The following C9 variants were observed in gnomAD, a reference collection of about 807,000 sequenced individuals.
The protein encoded by C9 is complement component C9.
Under a neutral mutation model 65.4 loss-of-function variants are expected in C9, and 63 were observed. That is an observed-to-expected ratio of 0.96 (90% CI 0.79 to 1.19). C9 has a LOEUF of 1.19. C9 is among the 50% of genes most tolerant of loss of function. The pLI, the probability that C9 is intolerant of heterozygous loss-of-function variation, is 0.00. For synonymous variants in C9, 229 were observed against 227.9 expected (o/e 1.00, Z -0.04); for missense variants, 744 against 670.1 (o/e 1.11, Z -1.22).
intron 1 of C9, among the ~76,000 whole-genome samples, chr5:39,360,511 T>C (rs372737514): frequency 1.3e-5 from 2 of 151,906 alleles, no homozygotes; most frequent in East Asian, 3.9e-4. Context: ...CCACATAAAG[T>C]CAAAGGAAGA....
At chr5:39,347,395 C>T (rs1187333542) in intron 1 of C9, among the ~76,000 whole-genome samples, 1 of 152,104 alleles carries the variant, frequency 6.6e-6, no homozygotes, top group Non-Finnish European at 1.5e-5. Flanking sequence ...AACAGAGAGC[C>T]AAATCATGAG....
At position 39,306,659 on chromosome 5, in the gene C9, C is replaced by A. The variant is rs760170174; in HGVS notation, c.1374G>T (p.Trp458Cys). ...CAGGAGCATCATTTATGGAAGAGGC[C>A]CAGTTGACAAAGTCAGTCACATCAA... ...TVIDVTDFVN[W>C]ASSINDAPVL... The change falls in exon 9 of 11, where the codon TGG becomes TGT. Residue 458 changes from tryptophan to cysteine, a missense_variant. Trp to Cys is a radical substitution (Grantham distance 215). Coordinates refer to ENST00000263408, the MANE Select transcript of C9 (RefSeq NM_001737.5). 1.2e-6 allele frequency: 2 copies of A among 1,613,628 alleles called. No homozygotes were observed. Among genetic ancestry groups the A allele is most frequent in the South Asian group, 2.2e-5 (2 of 91,076 alleles).
chr5:39,317,240 G>C (rs1753583254), intron 5 of C9, among the ~76,000 whole-genome samples: 1 of 152,108 alleles, frequency 6.6e-6, no homozygotes, highest in Non-Finnish European at 1.5e-5. Context: ...ATAGACTCTG[G>C]ATATTGGATC....
intron 1 of C9, 62 bp from the exon 2 acceptor site, chr5:39,342,258 T>A (rs1754101289): frequency 1.1e-6 from 1 of 885,702 alleles, no homozygotes; most frequent in African/African-American, 1.6e-5. Context: ...CCAAGAAGTC[T>A]TCATAAACAC....
Position 39,359,100 on chromosome 5 carries a change from G to GTATATATA in C9, c.77+5287_77+5288insTATATATA, listed in dbSNP as rs1270604293. The stretch of plus-strand genomic sequence containing the variant: ...TGTGTATATATATATGTGTGTGTGT[G>GTATATATA]TGTATATATATATATATATATATAT... On this transcript the variant is annotated intron_variant, in intron 1 of 10. Coordinates refer to ENST00000263408, the MANE Select transcript of C9 (RefSeq NM_001737.5). Among the ~76,000 whole-genome samples, 217 of 87,804 alleles carry GTATATATA rather than the reference G, an allele frequency of 2.5e-3. 1 individual carries two copies. Among genetic ancestry groups the GTATATATA allele is most frequent in the African/African-American group, 8.5e-3 (198 of 23,312 alleles). The allele number at this position is 87,804 out of a possible 152,430, so 57.6% of individuals were successfully genotyped here. A position where few individuals can be genotyped will look rare whatever the true frequency, so the allele number is the denominator to read the frequency against.
At chr5:39,328,499 T>C (rs1356042975) in intron 5 of C9, among the ~76,000 whole-genome samples, 1 of 152,168 alleles carries the variant, frequency 6.6e-6, no homozygotes, top group Non-Finnish European at 1.5e-5. Flanking sequence ...GCAGTGTAAG[T>C]TTACAAGTAG....
At chr5:39,285,446 T>C (rs1003456005) in intron 10 of C9, among the ~76,000 whole-genome samples, 8 of 152,038 alleles carry the variant, frequency 5.3e-5, no homozygotes, top group African/African-American at 1.7e-4. Context: ...ATGTGATTAG[T>C]GCTGGAAAAA....
intron 1 of C9, among the ~76,000 whole-genome samples, 156 bp downstream of exon 1, chr5:39,364,232 C>T (rs1364387066): frequency 6.6e-6 from 1 of 152,098 alleles, no homozygotes; most frequent in African/African-American, 2.4e-5. Context: ...AAGATGCACC[C>T]TATGTATTTT....
At chr5:39,317,915 T>C (rs1258227567) in intron 5 of C9, among the ~76,000 whole-genome samples, 2 of 152,126 alleles carry the variant, frequency 1.3e-5, no homozygotes, top group Admixed American at 6.5e-5. Context: ...GGTAATAGCA[T>C]TGAATCTATA....
chr5:39,290,021 A>C (rs890825125), intron 9 of C9, among the ~76,000 whole-genome samples: 5 of 151,934 alleles, frequency 3.3e-5, no homozygotes, highest in Admixed American at 3.3e-4. Context: ...CACAGTTGCT[A>C]CACTGAAATC....
chr5:39,289,670 A>C (rs1370145380), intron 9 of C9, among the ~76,000 whole-genome samples: 3 of 151,882 alleles, frequency 2.0e-5, no homozygotes, highest in African/African-American at 7.2e-5. Flanking sequence ...TCAGGAATCC[A>C]GTCTTGTCAG....
intron 1 of C9, among the ~76,000 whole-genome samples, chr5:39,359,840 G>T (rs571800853): frequency 3.3e-5 from 5 of 152,166 alleles, no homozygotes; most frequent in Non-Finnish European, 7.4e-5. Context: ...GGGACCCTCC[G>T]TAATGTGTTC....
At chr5:39,347,201 G>C (rs979783928) in intron 1 of C9, among the ~76,000 whole-genome samples, 11 of 152,130 alleles carry the variant, frequency 7.2e-5, no homozygotes, top group African/African-American at 2.7e-4. Flanking sequence ...GAAATAAAGG[G>C]TATTCAATTA....
rs777593898 is a variant in C9 at position 39,341,581 on chromosome 5, G to T, written c.303C>A (p.Cys101Ter). 2 of 1,613,844 alleles carry T rather than the reference G, an allele frequency of 1.2e-6. No individual in the cohort carries two copies. The highest frequency in any genetic ancestry group is 2.2e-5 in the East Asian group (1 of 44,874). The change falls in exon 3 of 11, where the codon TGC becomes TGA. Residue 101 changes from cysteine (C) to a stop codon, truncating the protein, a stop_gained. Coordinates refer to ENST00000263408, the MANE Select transcript of C9 (RefSeq NM_001737.5). LOFTEE classifies it high-confidence loss of function. Reference protein sequence around the residue: ...TEPCEDAEDDCGNDFQCSTGR... With the variant: ...TEPCEDAEDD ...CTGTACTGCATTGAAAGTCATTTCC[G>T]CAGTCATCCTCAGCATCCTCACAGG... is the stretch of plus-strand genomic sequence containing the variant.
chr5:39,362,331 A>G (rs111907140), intron 1 of C9, among the ~76,000 whole-genome samples: 6 of 152,230 alleles, frequency 3.9e-5, no homozygotes, highest in African/African-American at 1.2e-4. Flanking sequence ...TTATAAAGAC[A>G]TACACAATGG....
Position 39,308,224 on chromosome 5 carries a change from A to T in C9, c.1240+6T>A. ...TATAAAATCTAACAAGTGAGGCCACACTTACCAGCTCTACCCTCTCCCCTC... is the reference window on the plus strand; with the variant it reads ...TATAAAATCTAACAAGTGAGGCCACTCTTACCAGCTCTACCCTCTCCCCTC... On this transcript the variant is annotated splice_donor_region_variant and intron_variant, in intron 8 of 10. Transcript: ENST00000263408. 6.2e-7 allele frequency: 1 copy of T among 1,612,958 alleles called. No homozygotes were observed. The highest frequency in any genetic ancestry group is 8.5e-7 in the Non-Finnish European group (1 of 1,179,052).
chr5:39,288,917 A>AT lies in C9; in HGVS notation c.1450dup (p.Met484AsnfsTer16). The AT allele has an allele frequency of 6.2e-7, 1 of 1,609,234 alleles. No individual in the cohort carries two copies. Among genetic ancestry groups the AT allele is most frequent in the Non-Finnish European group, 8.5e-7 (1 of 1,176,164 alleles). On this transcript the variant is annotated frameshift_variant, in exon 10 of 11. Coordinates refer to ENST00000263408, the MANE Select transcript of C9 (RefSeq NM_001737.5). LOFTEE classifies it high-confidence loss of function. ...TTGTTTCTTTAGGTGTGCATTTTTC[A>AT]TTTTCACTGGAACCAGATTATATAT...
At chr5:39,339,036 C>A (rs1473569313) in intron 4 of C9, among the ~76,000 whole-genome samples, 2 of 152,138 alleles carry the variant, frequency 1.3e-5, no homozygotes, top group African/African-American at 2.4e-5. Context: ...TTTCTTGGAT[C>A]CCAATTAAAG....
intron 1 of C9, among the ~76,000 whole-genome samples, chr5:39,344,353 G>A (rs1032608153): frequency 1.3e-5 from 2 of 152,206 alleles, no homozygotes; most frequent in East Asian, 3.8e-4. Context: ...GAAAACCATG[G>A]CACGAGAACT....
Sources: allele counts gnomAD v4.1 joint callset (sites outside exome capture counted in the v4.1 genomes callset), GRCh38; gene constraint gnomAD v4.1.1; transcripts MANE v1.5; gene names NCBI Gene and HGNC (gene_info 2026-07-23, HGNC 2026-07-21).